Variants in DACH2 observed in about 807,000 individuals in gnomAD.
DACH2 encodes dachshund family transcription factor 2, also known as dachshund homolog 2.
DACH2 carries 17 observed loss-of-function variants against 35.8 expected under a neutral mutation model. The ratio of observed to expected loss-of-function variants is 0.48; its 90% CI spans 0.33 to 0.71. DACH2 has a LOEUF of 0.71. Among genes scored for constraint, DACH2 ranks in the 30% least tolerant of loss-of-function variants. The pLI is 0.02. For missense variants in DACH2, 469 were observed against 472.7 expected (o/e 0.99, Z 0.07); for synonymous variants, 195 against 177.3 (o/e 1.10, Z -0.79).
chrX:86,413,105 T>C (rs2036642329), intron 2 of DACH2, among the ~76,000 whole-genome samples: 1 of 111,611 alleles, frequency 9.0e-6, no homozygotes, highest in African/African-American at 3.3e-5. Context: ...AGAAGTTCCC[T>C]AAATTTTAGT....
chrX:86,790,344 A>C (rs188470383), intron 7 of DACH2, among the ~76,000 whole-genome samples: 1 of 112,140 alleles, frequency 8.9e-6, no homozygotes, highest in Admixed American at 9.5e-5. Flanking sequence ...ATTCAGTATT[A>C]AATTATATTT....
At chrX:86,788,961 C>T (rs2147320093) in intron 7 of DACH2, among the ~76,000 whole-genome samples, 1 of 111,784 alleles carries the variant, frequency 8.9e-6, no homozygotes, top group East Asian at 2.8e-4. Context: ...TTTGTCCTTA[C>T]TTATACGGTT....
At chrX:86,250,209 G>A (rs1327797908) in intron 1 of DACH2, among the ~76,000 whole-genome samples, 1 of 111,445 alleles carries the variant, frequency 9.0e-6, no homozygotes, top group African/African-American at 3.3e-5. Flanking sequence ...TAAAATAAAA[G>A]TTGGAAAGAA....
intron 7 of DACH2, among the ~76,000 whole-genome samples, chrX:86,794,110 A>T (rs759070652): frequency 8.2e-4 from 91 of 111,292 alleles, no homozygotes; most frequent in South Asian, 1.5e-3. Flanking sequence ...TTTCCCTGTG[A>T]TTGAATTTTT....
At chrX:86,395,850 G>A (rs753071499) in intron 2 of DACH2, among the ~76,000 whole-genome samples, 1,162 of 111,680 alleles carry the variant, frequency 0.01, 16 homozygotes, top group African/African-American at 0.036. Flanking sequence ...ATAAACATAC[G>A]TGTGCATGTG....
chrX:86,801,213 AT>A (rs200640802), intron 7 of DACH2, among the ~76,000 whole-genome samples: 11 of 95,746 alleles, frequency 1.1e-4, no homozygotes, highest in South Asian at 1.2e-3. Flanking sequence ...CAGTGCATCA[AT>A]TTTTTTTTTT....
intron 3 of DACH2, among the ~76,000 whole-genome samples, chrX:86,587,600 T>C (rs189341347): frequency 1.6e-3 from 173 of 111,502 alleles, no homozygotes; most frequent in Non-Finnish European, 1.0e-3. Flanking sequence ...GCATAGTTTG[T>C]TGAGAGTTTT....
At chrX:86,400,858 C>T (rs766687675) in intron 2 of DACH2, among the ~76,000 whole-genome samples, 7 of 112,433 alleles carry the variant, frequency 6.2e-5, no homozygotes, top group Middle Eastern at 4.6e-3. Flanking sequence ...TCTGCCCTTT[C>T]TGAGATCTCA....
intron 2 of DACH2, among the ~76,000 whole-genome samples, chrX:86,424,381 T>A (rs1358182292): frequency 1.8e-5 from 2 of 111,168 alleles, no homozygotes; most frequent in Non-Finnish European, 3.8e-5. Flanking sequence ...TTTTGCAGTT[T>A]ACATTATGGA....
intron 6 of DACH2, among the ~76,000 whole-genome samples, chrX:86,725,811 G>A (rs2041462531): frequency 9.0e-6 from 1 of 111,353 alleles, no homozygotes; most frequent in African/African-American, 3.3e-5. Context: ...TGGTTGTGGA[G>A]GCTAGTTCCC....
chrX:86,506,778 T>C (rs996903084), intron 2 of DACH2, among the ~76,000 whole-genome samples: 5 of 111,740 alleles, frequency 4.5e-5, no homozygotes, highest in African/African-American at 1.6e-4. Context: ...GTGAACTGAT[T>C]TGTTATTTTA....
chrX:86,540,293 C>A (rs2038862538), intron 3 of DACH2, among the ~76,000 whole-genome samples: 1 of 111,413 alleles, frequency 9.0e-6, no homozygotes, highest in South Asian at 3.7e-4. Context: ...TGTGGATATT[C>A]TTTAGTCTGC....
chrX:86,655,507 C>T (rs770155521), intron 4 of DACH2, among the ~76,000 whole-genome samples: 17 of 111,805 alleles, frequency 1.5e-4, no homozygotes, highest in Non-Finnish European at 2.8e-4. Flanking sequence ...AGGTCAAGTA[C>T]GTAAATGAAA....
chrX:86,543,907 G>A (rs746798897), intron 3 of DACH2, among the ~76,000 whole-genome samples: 1 of 107,397 alleles, frequency 9.3e-6, no homozygotes, highest in East Asian at 3.1e-4. Flanking sequence ...AGTGGGTGCA[G>A]CGCACCAGCA....
chrX:86,395,836 G>T (rs1205929285), intron 2 of DACH2, among the ~76,000 whole-genome samples: 1 of 111,526 alleles, frequency 9.0e-6, no homozygotes, highest in African/African-American at 3.3e-5. Flanking sequence ...TGAATAGTGT[G>T]GCAATAAACA....
At chrX:86,816,218 A>G (rs113504516) in intron 11 of DACH2, 119 bp downstream of exon 11, 3 of 378,557 alleles carry the variant, frequency 7.9e-6, no homozygotes, top group Admixed American at 5.9e-5. Flanking sequence ...TAAAATAAAT[A>G]AGTTTTGACA....
At chrX:86,787,616 C>T (rs1602949822) in intron 7 of DACH2, among the ~76,000 whole-genome samples, 1 of 40,548 alleles carries the variant, frequency 2.5e-5, no homozygotes, top group East Asian at 5.4e-4. Context: ...GAAACTCAGT[C>T]TCAAAAAAAA....
At chrX:86,729,112 G>A (rs2041503678) in intron 6 of DACH2, among the ~76,000 whole-genome samples, 1 of 112,350 alleles carries the variant, frequency 8.9e-6, no homozygotes, top group Non-Finnish European at 1.9e-5. Context: ...GCAGCACAGG[G>A]TCTGAACCCT....
chrX:86,746,155 T>C (rs193211787), intron 7 of DACH2, among the ~76,000 whole-genome samples: 1 of 112,031 alleles, frequency 8.9e-6, no homozygotes, highest in African/African-American at 3.2e-5. Context: ...CATTCATCAG[T>C]TGAAGGATAT....
Sources: gnomAD v4.1 joint callset for allele counts (sites outside exome capture counted in the v4.1 genomes callset) on GRCh38, gnomAD v4.1.1 for gene constraint, MANE v1.5 for transcripts, NCBI Gene and HGNC (gene_info 2026-07-23, HGNC 2026-07-21) for gene names.